CTNNA3: variants seen among roughly 807,000 people sequenced by gnomAD.
The protein encoded by CTNNA3 is catenin alpha-3.
CTNNA3 carries 76 observed loss-of-function variants against 95.7 expected under a neutral mutation model. The observed-to-expected ratio is 0.79, with a 90% CI of 0.66 to 0.96. CTNNA3 has a LOEUF of 0.96. Ranked by LOEUF, CTNNA3 falls within the 40% of genes least tolerant of loss-of-function variation. The pLI is 0.00. For synonymous variants in CTNNA3, 431 were observed against 374.4 expected, an observed-to-expected ratio of 1.15 and a Z score of -1.74; for missense variants, 1,191 against 1,089.8, an observed-to-expected ratio of 1.09 and a Z score of -1.31.
chr10:67,674,522 T>C (rs1840500615), intron 1 of CTNNA3, among the ~76,000 whole-genome samples: 2 of 152,244 alleles, frequency 1.3e-5, no homozygotes, highest in South Asian at 2.1e-4. Context: ...TTTCAATAAG[T>C]ATTGTCAAAT....
intron 11 of CTNNA3, among the ~76,000 whole-genome samples, chr10:66,493,101 A>G (rs1454481614): frequency 6.6e-6 from 1 of 152,208 alleles, no homozygotes; most frequent in African/African-American, 2.4e-5. Flanking sequence ...TAATTGCTAG[A>G]TCAAATTTAC....
At chr10:66,371,427 C>T (rs10997096) in intron 12 of CTNNA3, among the ~76,000 whole-genome samples, 1 of 152,008 alleles carries the variant, frequency 6.6e-6, no homozygotes, top group Non-Finnish European at 1.5e-5. Context: ...TATCATAATA[C>T]CTTGTTTAAT....
intron 13 of CTNNA3, among the ~76,000 whole-genome samples, chr10:66,186,546 A>G (rs1186236473): frequency 6.6e-6 from 1 of 152,226 alleles, no homozygotes; most frequent in Non-Finnish European, 1.5e-5. Context: ...CTGCATTATC[A>G]TAAGATATAT....
intron 1 of CTNNA3, among the ~76,000 whole-genome samples, chr10:67,686,711 T>C (rs1840738726): frequency 6.6e-6 from 1 of 152,294 alleles, no homozygotes; most frequent in African/African-American, 2.4e-5. Flanking sequence ...TTTGCTACTA[T>C]ATCAATTTCC....
intron 14 of CTNNA3, among the ~76,000 whole-genome samples, chr10:66,101,269 G>A (rs2081618541): frequency 6.6e-6 from 1 of 152,104 alleles, no homozygotes; most frequent in African/African-American, 2.4e-5. Context: ...CTAGTAGAGG[G>A]CTGACAAATA....
At chr10:67,493,501 G>A (rs906223940) in intron 5 of CTNNA3, among the ~76,000 whole-genome samples, 1 of 150,336 alleles carries the variant, frequency 6.7e-6, no homozygotes, top group Non-Finnish European at 1.5e-5. Flanking sequence ...GGCGGAGCTT[G>A]CAGTGAGCAG....
At chr10:67,156,846 A>G (rs962060959) in intron 7 of CTNNA3, among the ~76,000 whole-genome samples, 2 of 151,900 alleles carry the variant, frequency 1.3e-5, no homozygotes, top group Non-Finnish European at 2.9e-5. Flanking sequence ...CCTTATTGAT[A>G]TTTTGTCTGT....
At chr10:65,992,804 T>C (rs1268245241) in intron 15 of CTNNA3, among the ~76,000 whole-genome samples, 4 of 152,266 alleles carry the variant, frequency 2.6e-5, no homozygotes, top group Non-Finnish European at 5.9e-5. Context: ...GTTCTTGCTT[T>C]TCTAATTCCT....
chr10:66,588,400 C>T (rs1397246596), intron 10 of CTNNA3, among the ~76,000 whole-genome samples: 1 of 151,596 alleles, frequency 6.6e-6, no homozygotes, highest in Admixed American at 6.6e-5. Context: ...AATCTCTGCA[C>T]ACTATTTTGT....
intron 7 of CTNNA3, among the ~76,000 whole-genome samples, chr10:67,097,180 T>A (rs1858050194): frequency 6.6e-6 from 1 of 151,832 alleles, no homozygotes; most frequent in Non-Finnish European, 1.5e-5. Context: ...AGTTTGAGAA[T>A]CACTCTTGTT....
At position 67,123,145 on chromosome 10, in the gene CTNNA3, G is replaced by C. The variant is rs1473759091; in HGVS notation, c.1047+57172C>G. On this transcript the variant is annotated intron_variant, in intron 7 of 17. Transcript: ENST00000433211. Reference sequence around the variant, plus strand: ...AACACTCCTGTAAATCAGTGAATGAGCACCATGCATTCTGATGAACCAAGT... The same window carrying C: ...AACACTCCTGTAAATCAGTGAATGACCACCATGCATTCTGATGAACCAAGT... Among the ~76,000 whole-genome samples, 3 of 152,048 alleles carry C rather than the reference G, an allele frequency of 2.0e-5. No individual in the cohort carries two copies. In the East Asian group the frequency reaches 5.8e-4, roughly 29 times the overall value.
At chr10:65,972,379 C>A (rs537485373) in intron 16 of CTNNA3, among the ~76,000 whole-genome samples, 1 of 152,102 alleles carries the variant, frequency 6.6e-6, no homozygotes, top group South Asian at 2.1e-4. Context: ...TCCATCTAGA[C>A]AAATAAAAAG....
At chr10:67,088,546 C>T in intron 7 of CTNNA3, among the ~76,000 whole-genome samples, 1 of 151,848 alleles carries the variant, frequency 6.6e-6, no homozygotes, top group Middle Eastern at 3.2e-3. Flanking sequence ...AGGGGCATTA[C>T]TGAAAGACAA....
intron 12 of CTNNA3, among the ~76,000 whole-genome samples, chr10:66,371,501 G>T (rs527296196): frequency 6.6e-6 from 1 of 152,108 alleles, no homozygotes; most frequent in Non-Finnish European, 1.5e-5. Flanking sequence ...CCATCTAAAA[G>T]AATTGGCTTT....
chr10:67,513,065 G>T (rs935040820), intron 5 of CTNNA3, among the ~76,000 whole-genome samples: 1 of 152,044 alleles, frequency 6.6e-6, no homozygotes, highest in African/African-American at 2.4e-5. Context: ...GCACCTCACC[G>T]CCTAATACAG....
At chr10:67,335,839 A>G (rs1345576399) in intron 5 of CTNNA3, among the ~76,000 whole-genome samples, 1 of 151,936 alleles carries the variant, frequency 6.6e-6, no homozygotes, top group East Asian at 1.9e-4. Flanking sequence ...ATGTGTGTAT[A>G]TAACCTTGTT....
At chr10:67,456,450 A>G (rs950752930) in intron 5 of CTNNA3, among the ~76,000 whole-genome samples, 1 of 152,168 alleles carries the variant, frequency 6.6e-6, no homozygotes, top group African/African-American at 2.4e-5. Context: ...TGGGTTTCCA[A>G]GAAAGACTTG....
chr10:67,544,023 G>T (rs1840763764), intron 3 of CTNNA3, among the ~76,000 whole-genome samples: 1 of 152,156 alleles, frequency 6.6e-6, no homozygotes, highest in Admixed American at 6.6e-5. Context: ...TATGATAAAA[G>T]AAAACCTTAT....
chr10:67,045,493 C>T (rs1854675561), intron 7 of CTNNA3, among the ~76,000 whole-genome samples: 1 of 152,070 alleles, frequency 6.6e-6, no homozygotes, highest in African/African-American at 2.4e-5. Context: ...CAATAGATCG[C>T]GGCGAGGGAA....
Sources: allele counts gnomAD v4.1 joint callset (sites outside exome capture counted in the v4.1 genomes callset), GRCh38; gene constraint gnomAD v4.1.1; transcripts MANE v1.5; gene names NCBI Gene and HGNC (gene_info 2026-07-23, HGNC 2026-07-21).